Variants in LACC1 observed in about 807,000 individuals in gnomAD.
LACC1 encodes the protein purine nucleoside phosphorylase LACC1.
LACC1 carries 25 observed loss-of-function variants against 34.8 expected under a neutral mutation model. The observed-to-expected ratio is 0.72, with a 90% CI of 0.52 to 1.00. The LOEUF (loss-of-function observed/expected upper bound fraction) is 1.00, where lower values mean the gene tolerates loss of function less well. Ranked by LOEUF, LACC1 falls within the 50% of genes least tolerant of loss-of-function variation. The probability of loss-of-function intolerance (pLI) is 0.00; values close to 1 mark genes in which losing one functional copy is unlikely to be tolerated. For missense variants in LACC1, 426 were observed against 511.2 expected (o/e 0.83, Z 1.61); for synonymous variants, 162 against 168.0 (o/e 0.96, Z 0.28).
intron 4 of LACC1, 92 bp from the exon 5 acceptor site, chr13:43,888,665 A>G: frequency 1.0e-6 from 1 of 978,932 alleles, no homozygotes; most frequent in Non-Finnish European, 1.6e-6. Context: ...AAATATACAA[A>G]CTAAATCTGC....
intron 4 of LACC1, among the ~76,000 whole-genome samples, chr13:43,887,921 A>G (rs9562520): frequency 0.018 from 2,794 of 152,286 alleles, 60 homozygotes; most frequent in East Asian, 0.076. Context: ...ATAGATTACC[A>G]TATAATCCAG....
At chr13:43,887,235 G>T (rs892464291) in intron 4 of LACC1, among the ~76,000 whole-genome samples, 3 of 152,030 alleles carry the variant, frequency 2.0e-5, no homozygotes, top group Non-Finnish European at 4.4e-5. Flanking sequence ...ATATTCAGTG[G>T]GTTACCTGTA....
chr13:43,890,394 A>G lies in LACC1; in HGVS notation c.*1+120A>G, dbSNP rs545696945. ...TTCCTCCCCTTATTTAAAAAAAAAA[A>G]GTTAATTATGTTAAACTTTACTCCT... On this transcript the variant is annotated intron_variant, in intron 6 of 6. Coordinates refer to ENST00000325686, the MANE Select transcript of LACC1 (RefSeq NM_153218.4). The G allele has an allele frequency of 2.0e-5, 16 of 782,672 alleles. No individual in the cohort carries two copies. In the South Asian group the frequency reaches 2.9e-4, roughly 14 times the overall value. The allele number at this position is 782,672 out of a possible 1,614,324, so 48.5% of individuals were successfully genotyped here.
chr13:43,887,241 C>G (rs1955374504), intron 4 of LACC1, among the ~76,000 whole-genome samples: 1 of 152,094 alleles, frequency 6.6e-6, no homozygotes, highest in South Asian at 2.1e-4. Flanking sequence ...AGTGGGTTAC[C>G]TGTAGAGGCT....
At chr13:43,882,132 A>G in intron 2 of LACC1, 53 bp from the exon 3 acceptor site, 1 of 1,401,514 alleles carries the variant, frequency 7.1e-7, no homozygotes, top group Non-Finnish European at 9.8e-7. Flanking sequence ...TCTAATTGAG[A>G]GACTGGTATT....
chr13:43,889,935 T>C, intron 5 of LACC1, 179 bp from the exon 6 acceptor site: 1 of 552,532 alleles, frequency 1.8e-6, no homozygotes, highest in Middle Eastern at 4.7e-4. Context: ...TAAATGCTGA[T>C]AAAGTGTAGC....
In LACC1 at chr13:43,880,071, T is replaced by G. The variant is rs1286102569; in HGVS notation, c.-83T>G. Reference sequence around the variant, plus strand: ...ATGGGCTGTGAGCCGCCGGTGGAGGTGCCCGGGCAGGTGCAGAGCCACAGC... The same window carrying G: ...ATGGGCTGTGAGCCGCCGGTGGAGGGGCCCGGGCAGGTGCAGAGCCACAGC... On this transcript the variant is annotated 5_prime_UTR_variant, in exon 1 of 7. Transcript: ENST00000325686. The G allele has an allele frequency of 1.3e-5, 2 of 151,458 alleles. No individual in the cohort carries two copies. The highest frequency in any genetic ancestry group is 4.9e-5 in the African/African-American group (2 of 41,026). The allele number at this position is 151,458 out of a possible 1,614,324, so 9.4% of individuals were successfully genotyped here.
chr13:43,884,150 G>A lies in LACC1; in HGVS notation c.907+214G>A, dbSNP rs11842404. ...TATAGTAGAATTCCCAAAGGAGGTG[G>A]CACCTAGGTTGATTCCTGAGGAATT... On this transcript the variant is annotated intron_variant, in intron 4 of 6. Coordinates refer to ENST00000325686, the MANE Select transcript of LACC1 (RefSeq NM_153218.4). 2.9e-3 allele frequency among the ~76,000 whole-genome samples: 447 copies of A among 152,274 alleles called. 3 individuals carry two copies. The highest frequency in any genetic ancestry group is 9.9e-3 in the African/African-American group (413 of 41,548).
At chr13:43,879,817 G>GCGGGGCGAGGCGAGGC (rs878998840), upstream of LACC1, 1 of 46,262 alleles carries the variant, frequency 2.2e-5, no homozygotes, top group African/African-American at 4.7e-5. Context: ...GCGGGGCGAG[G>GCGGGGCGAGGCGAGGC]TGGGCGAGGT....
At chr13:43,880,181 AG>A (rs3215973) in intron 1 of LACC1, 62 bp downstream of exon 1, 77,302 of 151,812 alleles carry the variant, frequency 0.51, 20,204 homozygotes, top group East Asian at 0.66. Context: ...TGAACAGGGA[AG>A]GGGGGACGGT....
rs954102681 is a variant in LACC1 at position 43,881,076 on chromosome 13, G to A, written c.91G>A (p.Val31Ile). The A allele has an allele frequency of 5.6e-6, 9 of 1,614,130 alleles. No homozygotes were observed. Among genetic ancestry groups the A allele is most frequent in the African/African-American group, 1.3e-5 (1 of 75,052 alleles). Residue 31 changes from valine to isoleucine, a missense_variant, in exon 2 of 7, where the codon GTC becomes ATC. Transcript: ENST00000325686. ...GACATTACTGAAGACTTTGAATGCT[G>A]TCCAATACCACCATGCTGCCAAGGC... Reference protein sequence around the residue: ...HQTLLKTLNAVQYHHAAKAKF... With the variant: ...HQTLLKTLNAIQYHHAAKAKF...
At position 43,890,130 on chromosome 13, in the gene LACC1, G is replaced by A; in HGVS notation, c.1150G>A (p.Gly384Arg). The A allele has an allele frequency of 6.2e-7, 1 of 1,611,078 alleles. No individual in the cohort carries two copies. The highest frequency in any genetic ancestry group is 1.7e-5 in the Admixed American group (1 of 59,734). ...RKATRILLEQ[G>R]GILPQNIQDQ... The stretch of plus-strand genomic sequence containing the variant: ...TTTCCTAAGGATTCTTCTAGAACAG[G>A]GAGGAATTCTTCCACAGAATATTCA... The change falls in exon 6 of 7, where the codon GGA becomes AGA. Residue 384 changes from glycine to arginine, a missense_variant. By Grantham distance (125) the Gly-to-Arg change is moderately radical. Coordinates refer to ENST00000325686, the MANE Select transcript of LACC1 (RefSeq NM_153218.4).
chr13:43,881,396 T>A lies in LACC1; in HGVS notation c.411T>A (p.Thr137=). Residue 137 remains threonine, a synonymous_variant, in exon 2 of 7, where the codon ACT becomes ACA. Coordinates refer to ENST00000325686, the MANE Select transcript of LACC1 (RefSeq NM_153218.4). ...YNFEFEDLQV[T]FRGGLFKQSI... is the part of the protein sequence containing the mutation. The stretch of plus-strand genomic sequence containing the variant: ...TTGAATTTGAAGATTTGCAAGTGAC[T>A]TTTAGGGGAGGGCTTTTTAAACAGT... 6.2e-7 allele frequency: 1 copy of A among 1,614,172 alleles called. No individual in the cohort carries two copies. The highest frequency in any genetic ancestry group is 8.5e-7 in the Non-Finnish European group (1 of 1,180,026).
At chr13:43,888,323 A>AAT in intron 4 of LACC1, among the ~76,000 whole-genome samples, 1 of 152,294 alleles carries the variant, frequency 6.6e-6, no homozygotes, top group South Asian at 2.1e-4. Flanking sequence ...TATTGTTAAT[A>AAT]GTTGTAGAGT....
chr13:43,889,784 G>A (rs1241207767), intron 5 of LACC1, among the ~76,000 whole-genome samples: 5 of 152,214 alleles, frequency 3.3e-5, no homozygotes, highest in Non-Finnish European at 7.4e-5. Context: ...TGAGCCAGGT[G>A]AATTTTGCCT....
intron 6 of LACC1, 51 bp from the exon 7 acceptor site, chr13:43,891,397 AT>A: frequency 1.1e-6 from 1 of 877,092 alleles, no homozygotes; most frequent in Non-Finnish European, 1.4e-6. Flanking sequence ...TTACCTTGAT[AT>A]TCTAATAACA....
chr13:43,893,524 C>T lies in LACC1; in HGVS notation c.*2077C>T, dbSNP rs1049155075. The T allele has an allele frequency of 1.3e-5, 2 of 151,960 alleles. No individual in the cohort carries two copies. The highest frequency in any genetic ancestry group is 6.6e-5 in the Admixed American group (1 of 15,264). 9.4% of individuals were successfully genotyped at this position (151,960 alleles called of 1,614,324 possible). A position where few individuals can be genotyped will look rare whatever the true frequency, so the allele number is the denominator to read the frequency against. The stretch of plus-strand genomic sequence containing the variant: ...GGTTAAAAAATACAGTTGTAGCCCT[C>T]AGGATATTTAATATCCAGTGAAAAG... On this transcript the variant is annotated 3_prime_UTR_variant, in exon 7 of 7. Transcript: ENST00000325686.
rs1955000016 is a variant in LACC1 at position 43,881,078 on chromosome 13, C to G, written c.93C>G (p.Val31=). ...CATTACTGAAGACTTTGAATGCTGT[C>G]CAATACCACCATGCTGCCAAGGCCA... ...HQTLLKTLNA[V]QYHHAAKAKF... Residue 31 remains valine (V), a synonymous_variant, in exon 2 of 7, where the codon GTC becomes GTG. Coordinates refer to ENST00000325686, the MANE Select transcript of LACC1 (RefSeq NM_153218.4). 1 of 1,614,114 alleles carries G rather than the reference C, an allele frequency of 6.2e-7. No individual in the cohort carries two copies. Among genetic ancestry groups the G allele is most frequent in the Admixed American group, 1.7e-5 (1 of 60,022 alleles).
Position 43,891,656 on chromosome 13 carries a change from T to A in LACC1, c.*209T>A, listed in dbSNP as rs762520048. On this transcript the variant is annotated 3_prime_UTR_variant, in exon 7 of 7. Transcript: ENST00000325686. ...AAAAATCAGTATGTTGTAGCTAATA[T>A]GTTTTATGCATGAGAATTATTCTTA... 24 of 557,990 alleles carry A rather than the reference T, an allele frequency of 4.3e-5. No individual in the cohort carries two copies. The highest frequency in any genetic ancestry group is 5.0e-5 in the Non-Finnish European group (22 of 439,718). 34.6% of individuals were successfully genotyped at this position (557,990 alleles called of 1,614,324 possible).
Sources: allele counts gnomAD v4.1 joint callset (sites outside exome capture counted in the v4.1 genomes callset), GRCh38; gene constraint gnomAD v4.1.1; transcripts MANE v1.5; gene names NCBI Gene and HGNC (gene_info 2026-07-23, HGNC 2026-07-21).